Variants in TM9SF2 observed in about 807,000 individuals in gnomAD.
TM9SF2 encodes the protein 76 kDa membrane protein.
A neutral mutation model predicts 84.9 loss-of-function variants in TM9SF2; 13 were observed. The ratio of observed to expected loss-of-function variants is 0.15; its 90% CI spans 0.10 to 0.24. TM9SF2 has a LOEUF of 0.24. Ranked by LOEUF, TM9SF2 falls within the 10% of genes least tolerant of loss-of-function variation. TM9SF2 has a pLI of 1.00. For missense variants in TM9SF2, 562 were observed against 818.5 expected (o/e 0.69, Z 3.82); for synonymous variants, 273 against 285.8 (o/e 0.96, Z 0.45).
intron 4 of TM9SF2, among the ~76,000 whole-genome samples, chr13:99,536,299 G>T (rs78658508): frequency 0.1 from 14,119 of 139,464 alleles, 808 homozygotes; most frequent in East Asian, 0.22. Flanking sequence ...AGTTTTTTTT[G>T]TTTTTTTTTT....
intron 1 of TM9SF2, among the ~76,000 whole-genome samples, chr13:99,504,811 G>A (rs539028379): frequency 6.6e-6 from 1 of 152,216 alleles, no homozygotes; most frequent in African/African-American, 2.4e-5. Flanking sequence ...TATTGAGGAG[G>A]TGCACATTCT....
In TM9SF2 at chr13:99,501,563, C is replaced by T. The variant is rs1181562647; in HGVS notation, c.-44C>T. 1.3e-6 allele frequency: 2 copies of T among 1,596,132 alleles called. No individual in the cohort carries two copies. The highest frequency in any genetic ancestry group is 1.4e-5 in the African/African-American group (1 of 73,756). The stretch of plus-strand genomic sequence containing the variant: ...CGAGACTCCCCACCCCTCCTTCCCT[C>T]TTGACCCCCTAGGTTTGATTGCCCT... On this transcript the variant is annotated 5_prime_UTR_variant, in exon 1 of 17. Transcript: ENST00000376387.
intron 10 of TM9SF2, among the ~76,000 whole-genome samples, 167 bp downstream of exon 10, chr13:99,544,162 C>T (rs752815223): frequency 6.6e-6 from 1 of 151,852 alleles, no homozygotes; most frequent in Non-Finnish European, 1.5e-5. Flanking sequence ...CCAGACTGGC[C>T]AATATAGTGA....
intron 6 of TM9SF2, among the ~76,000 whole-genome samples, chr13:99,539,126 C>G (rs1292504085): frequency 6.6e-6 from 1 of 151,194 alleles, no homozygotes; most frequent in East Asian, 1.9e-4. Context: ...GGGAGGATCA[C>G]TTGAGCCCAG....
intron 1 of TM9SF2, among the ~76,000 whole-genome samples, chr13:99,509,167 A>G (rs1389126692): frequency 6.6e-6 from 1 of 152,192 alleles, no homozygotes; most frequent in Non-Finnish European, 1.5e-5. Flanking sequence ...CAGCTCCACC[A>G]TTGTAGCTTT....
intron 11 of TM9SF2, 42 bp from the exon 12 acceptor site, chr13:99,549,123 A>G: frequency 6.4e-7 from 1 of 1,571,962 alleles, no homozygotes; most frequent in Middle Eastern, 1.7e-4. Context: ...GGTTTGCTTT[A>G]AAGAAAATCT....
intron 2 of TM9SF2, among the ~76,000 whole-genome samples, chr13:99,517,901 A>G (rs916061138): frequency 2.0e-5 from 3 of 152,154 alleles, no homozygotes; most frequent in African/African-American, 7.2e-5. Flanking sequence ...TTATCTGACT[A>G]AACAAAAAGC....
intron 15 of TM9SF2, among the ~76,000 whole-genome samples, chr13:99,555,990 T>TA (rs1304770028): frequency 4.6e-5 from 7 of 151,968 alleles, no homozygotes; most frequent in African/African-American, 1.4e-4. Flanking sequence ...AATAATCTAT[T>TA]AAAAAATACA....
At chr13:99,553,991 C>G (rs1246876078) in intron 13 of TM9SF2, among the ~76,000 whole-genome samples, 1 of 152,160 alleles carries the variant, frequency 6.6e-6, no homozygotes, top group African/African-American at 2.4e-5. Flanking sequence ...CTAACTCTAC[C>G]TTTTTATTAA....
chr13:99,533,891 G>A (rs1490820868), intron 4 of TM9SF2, among the ~76,000 whole-genome samples: 2 of 152,078 alleles, frequency 1.3e-5, no homozygotes, highest in East Asian at 3.9e-4. Flanking sequence ...GGCTGCTCTC[G>A]AACTCCTGAC....
In TM9SF2 at chr13:99,501,593, C is replaced by G; in HGVS notation, c.-14C>G. The G allele has an allele frequency of 1.2e-6, 2 of 1,610,386 alleles. No homozygotes were observed. The highest frequency in any genetic ancestry group is 1.7e-6 in the Non-Finnish European group (2 of 1,178,466). On this transcript the variant is annotated 5_prime_UTR_variant, in exon 1 of 17. Coordinates refer to ENST00000376387, the MANE Select transcript of TM9SF2 (RefSeq NM_004800.3). Reference sequence around the variant, plus strand: ...CCCCCTAGGTTTGATTGCCCTTTCCCCGAAACAACTATCATGAGCGCGAGG... The same window carrying G: ...CCCCCTAGGTTTGATTGCCCTTTCCGCGAAACAACTATCATGAGCGCGAGG...
At chr13:99,560,333 G>A (rs895519954) in intron 16 of TM9SF2, among the ~76,000 whole-genome samples, 2 of 152,176 alleles carry the variant, frequency 1.3e-5, no homozygotes, top group African/African-American at 2.4e-5. Flanking sequence ...AGAGCCTGGA[G>A]TCGGGTTTTG....
At chr13:99,519,839 C>T (rs1168238722) in intron 2 of TM9SF2, among the ~76,000 whole-genome samples, 197 bp from the exon 3 acceptor site, 2 of 151,912 alleles carry the variant, frequency 1.3e-5, no homozygotes, top group South Asian at 2.1e-4. Context: ...AAAAAATATT[C>T]GAAGGCATAA....
rs2046138506 is a variant in TM9SF2, at chr13:99,517,195, C to G, written c.172-419C>G. ...GTGGCGCCATCATAGCTCACTGTAA[C>G]TTCAAACTCCTGGGCTCAAGTGATC... is the stretch of plus-strand genomic sequence containing the variant. On this transcript the variant is annotated intron_variant, in intron 1 of 16. Coordinates refer to ENST00000376387, the MANE Select transcript of TM9SF2 (RefSeq NM_004800.3). Among the ~76,000 whole-genome samples the G allele has an allele frequency of 2.6e-5, 4 of 152,186 alleles. No individual in the cohort carries two copies. In the South Asian group the frequency reaches 8.3e-4, roughly 32 times the overall value.
At chr13:99,511,964 A>T (rs555583877) in intron 1 of TM9SF2, among the ~76,000 whole-genome samples, 1 of 152,342 alleles carries the variant, frequency 6.6e-6, no homozygotes, top group South Asian at 2.1e-4. Context: ...CTACTATCAG[A>T]ATTGTGCGTG....
At chr13:99,536,298 TG>T (rs148645139) in intron 4 of TM9SF2, among the ~76,000 whole-genome samples, 77 of 151,066 alleles carry the variant, frequency 5.1e-4, no homozygotes, top group Admixed American at 1.1e-3. Flanking sequence ...AAGTTTTTTT[TG>T]TTTTTTTTTT....
intron 10 of TM9SF2, 51 bp downstream of exon 10, chr13:99,544,046 A>G: frequency 6.3e-7 from 1 of 1,599,000 alleles, no homozygotes; most frequent in African/African-American, 1.3e-5. Flanking sequence ...TAAATACAGT[A>G]ATTGCTTAAA....
chr13:99,545,021 T>G (rs772617134), intron 10 of TM9SF2, among the ~76,000 whole-genome samples: 3 of 152,180 alleles, frequency 2.0e-5, no homozygotes, highest in Non-Finnish European at 4.4e-5. Flanking sequence ...TTTTCTAAAT[T>G]TTACCTTTAT....
chr13:99,512,260 C>T (rs1035251785), intron 1 of TM9SF2, among the ~76,000 whole-genome samples: 1 of 152,172 alleles, frequency 6.6e-6, no homozygotes, highest in Non-Finnish European at 1.5e-5. Context: ...CAATTATGGA[C>T]CAGCTTCTGC....
Sources: gnomAD v4.1 joint callset for allele counts (sites outside exome capture counted in the v4.1 genomes callset) on GRCh38, gnomAD v4.1.1 for gene constraint, MANE v1.5 for transcripts, NCBI Gene and HGNC (gene_info 2026-07-23, HGNC 2026-07-21) for gene names.